Variants in LIPC observed in about 807,000 individuals in gnomAD.
LIPC encodes the protein lipase C, hepatic type.
Under a neutral mutation model 50.7 loss-of-function variants are expected in LIPC, and 44 were observed. The ratio of observed to expected loss-of-function variants is 0.87; its 90% CI spans 0.68 to 1.11. The LOEUF is 1.11. Among genes scored for constraint, LIPC ranks in the 50% most tolerant of loss-of-function variants. The pLI, the probability that LIPC is intolerant of heterozygous loss-of-function variation, is 0.00. For missense variants in LIPC, 697 were observed against 648.2 expected, an observed-to-expected ratio of 1.08 and a Z score of -0.82; for synonymous variants, 271 against 256.4, an observed-to-expected ratio of 1.06 and a Z score of -0.54.
chr15:58,482,307 A>C (rs1178502689), intron 1 of LIPC, among the ~76,000 whole-genome samples: 1 of 152,142 alleles, frequency 6.6e-6, no homozygotes, highest in Non-Finnish European at 1.5e-5. Flanking sequence ...AAATAATCAC[A>C]ATGAAGTGAA....
intron 1 of LIPC, among the ~76,000 whole-genome samples, chr15:58,480,414 C>A (rs889941844): frequency 6.6e-6 from 1 of 152,168 alleles, no homozygotes; most frequent in African/African-American, 2.4e-5. Context: ...CCTGCCTTGG[C>A]GTCTCAAGTA....
intron 8 of LIPC, chr15:58,565,764 G>A (rs2140960958): frequency 3.0e-6 from 3 of 989,216 alleles, no homozygotes; most frequent in African/African-American, 1.7e-5. Flanking sequence ...GAGTTGCAGT[G>A]CTGGACATTA....
chr15:58,466,488 G>T (rs1228271022), intron 1 of LIPC, among the ~76,000 whole-genome samples: 5 of 152,196 alleles, frequency 3.3e-5, no homozygotes, highest in Non-Finnish European at 7.4e-5. Flanking sequence ...TCCATCAATA[G>T]ATCACATGAT....
At chr15:58,461,572 C>G (rs116156346) in intron 1 of LIPC, among the ~76,000 whole-genome samples, 29 of 150,798 alleles carry the variant, frequency 1.9e-4, no homozygotes, top group African/African-American at 6.8e-4. Context: ...CCATGCCAGG[C>G]TAATTTTTGA....
rs571102166 is a variant in LIPC at position 58,464,832 on chromosome 15, G to T, written c.88+32712G>T. Among the ~76,000 whole-genome samples, 6 of 152,296 alleles carry T rather than the reference G, an allele frequency of 3.9e-5. No individual in the cohort carries two copies. In the East Asian group the frequency reaches 1.2e-3, roughly 29 times the overall value. On this transcript the variant is annotated intron_variant, in intron 1 of 8. Transcript: ENST00000299022. ...TACTAAAAATACAAAAGTTAGCTGGGTGTGGTGGTGTGCACCTGTAGTCCC... is the reference window on the plus strand; with the variant it reads ...TACTAAAAATACAAAAGTTAGCTGGTTGTGGTGGTGTGCACCTGTAGTCCC...
At chr15:58,461,544 G>A (rs1177671014) in intron 1 of LIPC, among the ~76,000 whole-genome samples, 2 of 152,062 alleles carry the variant, frequency 1.3e-5, no homozygotes, top group Non-Finnish European at 2.9e-5. Context: ...GATTAGCTGG[G>A]ATTACTGGTG....
chr15:58,549,455 A>G (rs1893669201), intron 6 of LIPC, among the ~76,000 whole-genome samples: 1 of 152,316 alleles, frequency 6.6e-6, no homozygotes, highest in East Asian at 1.9e-4. Context: ...AAAACATTCG[A>G]TGCAGCCATC....
chr15:58,501,240 C>G (rs1433524456), intron 1 of LIPC, among the ~76,000 whole-genome samples: 4 of 152,050 alleles, frequency 2.6e-5, no homozygotes, highest in Admixed American at 2.6e-4. Flanking sequence ...GCCCCCTCGC[C>G]TATATACCTA....
At position 58,486,592 on chromosome 15, in the gene LIPC, C is replaced by T. The variant is rs527375588; in HGVS notation, c.89-51741C>T. ...GTGTGGTCAATGTTTGTGCAATGAA[C>T]GTACGAGCCCAGACTCAGCATATTT... On this transcript the variant is annotated intron_variant, in intron 1 of 8. Coordinates refer to ENST00000299022, the MANE Select transcript of LIPC (RefSeq NM_000236.3). 3.3e-5 allele frequency among the ~76,000 whole-genome samples: 5 copies of T among 152,280 alleles called. No individual in the cohort carries two copies. The South Asian group carries it at 6.2e-4, about 19-fold the overall frequency.
intron 1 of LIPC, among the ~76,000 whole-genome samples, chr15:58,488,979 TAAAGCTGTCTG>T (rs1223023204): frequency 1.3e-4 from 20 of 152,150 alleles, no homozygotes; most frequent in African/African-American, 4.6e-4. Context: ...GGCTACTTAA[TAAAGCTGTCTG>T]TGAGCCAAAT....
At chr15:58,465,970 C>G (rs1180833104) in intron 1 of LIPC, among the ~76,000 whole-genome samples, 1 of 152,220 alleles carries the variant, frequency 6.6e-6, no homozygotes, top group African/African-American at 2.4e-5. Context: ...GAAGTTCTAT[C>G]AAGCCCCATC....
chr15:58,539,388 AAG>A lies in LIPC; in HGVS notation c.273+873_273+874del, dbSNP rs368686799. On this transcript the variant is annotated intron_variant, in intron 2 of 8. Transcript: ENST00000299022. The stretch of plus-strand genomic sequence containing the variant: ...GGTGGCTGAGAAGTATAGGCTGTTA[AAG>A]AAAATGTAGCCTTTTAGTGATGCTA... Among the ~76,000 whole-genome samples, 76 of 152,312 alleles carry A rather than the reference AAG, an allele frequency of 5.0e-4. 1 individual carries two copies. The East Asian group carries it at 0.014, about 27-fold the overall frequency.
chr15:58,492,976 T>C (rs1272576657), intron 1 of LIPC, among the ~76,000 whole-genome samples: 1 of 152,166 alleles, frequency 6.6e-6, no homozygotes, highest in African/African-American at 2.4e-5. Context: ...CCTGATGGAT[T>C]CCTAAATGAT....
chr15:58,551,882 G>C (rs1480817176), intron 6 of LIPC, among the ~76,000 whole-genome samples: 1 of 152,118 alleles, frequency 6.6e-6, no homozygotes, highest in African/African-American at 2.4e-5. Context: ...AAGATATTTC[G>C]ACAAAACCAT....
chr15:58,533,200 A>G, intron 1 of LIPC: 1 of 983,242 alleles, frequency 1.0e-6, no homozygotes, highest in Non-Finnish European at 1.2e-6. Context: ...ATGCTTGGAG[A>G]ATGTGCTGCT....
intron 1 of LIPC, among the ~76,000 whole-genome samples, chr15:58,530,954 T>C (rs879912521): frequency 6.6e-6 from 1 of 152,246 alleles, no homozygotes; most frequent in Admixed American, 6.5e-5. Context: ...TTATTATGAA[T>C]AAAGCTGCCA....
chr15:58,448,043 C>A (rs1893763972), intron 1 of LIPC, among the ~76,000 whole-genome samples: 1 of 152,178 alleles, frequency 6.6e-6, no homozygotes, highest in South Asian at 2.1e-4. Flanking sequence ...CCCCTAGGGT[C>A]TTCTGGCTGT....
chr15:58,506,696 T>A (rs761540509), intron 1 of LIPC, among the ~76,000 whole-genome samples: 27 of 152,198 alleles, frequency 1.8e-4, no homozygotes, highest in Non-Finnish European at 3.2e-4. Context: ...TATGCTCTAT[T>A]CAAAGCTGGC....
chr15:58,536,901 T>C (rs1164317527), intron 1 of LIPC, among the ~76,000 whole-genome samples: 1 of 152,224 alleles, frequency 6.6e-6, no homozygotes, highest in Admixed American at 6.5e-5. Flanking sequence ...CCTTGCACTT[T>C]GTAGGTTCAT....
Sources: gnomAD v4.1 joint callset for allele counts (sites outside exome capture counted in the v4.1 genomes callset) on GRCh38, gnomAD v4.1.1 for gene constraint, MANE v1.5 for transcripts, NCBI Gene and HGNC (gene_info 2026-07-23, HGNC 2026-07-21) for gene names.